Variants in WWP1 observed in about 807,000 individuals in gnomAD.
The protein encoded by WWP1 is NEDD4-like E3 ubiquitin-protein ligase WWP1.
Under a neutral mutation model 130.6 loss-of-function variants are expected in WWP1, and 49 were observed. The ratio of observed to expected loss-of-function variants is 0.38; its 90% CI spans 0.30 to 0.48. The LOEUF (loss-of-function observed/expected upper bound fraction) is 0.48. WWP1 is among the 20% of genes least tolerant of loss of function. WWP1 has a pLI of 0.99. For synonymous variants in WWP1, 332 were observed against 367.8 expected, an observed-to-expected ratio of 0.90 and a Z score of 1.11; for missense variants, 809 against 1,100.6, an observed-to-expected ratio of 0.74 and a Z score of 3.75.
At chr8:86,374,916 T>C (rs1426670151) in intron 3 of WWP1, among the ~76,000 whole-genome samples, 1 of 152,196 alleles carries the variant, frequency 6.6e-6, no homozygotes, top group African/African-American at 2.4e-5. Context: ...TCTCACTATG[T>C]TGCCCACGCT....
intron 1 of WWP1, among the ~76,000 whole-genome samples, chr8:86,355,837 G>A (rs1280955221): frequency 6.6e-6 from 1 of 152,160 alleles, no homozygotes; most frequent in Non-Finnish European, 1.5e-5. Flanking sequence ...GATTGATACA[G>A]CAAACTTCTC....
intron 5 of WWP1, among the ~76,000 whole-genome samples, chr8:86,393,593 T>G (rs961582396): frequency 1.3e-5 from 2 of 152,216 alleles, no homozygotes; most frequent in Non-Finnish European, 1.5e-5. Context: ...AGCTTAACTT[T>G]GTGAGTTGTT....
rs767334816 is a variant in WWP1, at chr8:86,425,364, A to C, written c.1157+46A>C. On this transcript the variant is annotated intron_variant, in intron 10 of 24. Coordinates refer to ENST00000517970, the MANE Select transcript of WWP1 (RefSeq NM_007013.4). ...CATTTGTAATTATATTTTATCACACATGTGGTTTTTAAATTTATTTAGTAC... is the reference window on the plus strand; with the variant it reads ...CATTTGTAATTATATTTTATCACACCTGTGGTTTTTAAATTTATTTAGTAC... 20 of 1,481,248 alleles carry C rather than the reference A, an allele frequency of 1.4e-5. No homozygotes were observed. In the African/African-American group the frequency reaches 2.4e-4, roughly 18 times the overall value. 91.8% of individuals were successfully genotyped at this position (1,481,248 alleles called of 1,614,324 possible).
intron 24 of WWP1, among the ~76,000 whole-genome samples, chr8:86,462,194 C>T (rs1192998067): frequency 6.6e-6 from 1 of 151,962 alleles, no homozygotes. Flanking sequence ...GGAAGTCCTT[C>T]GAAGGGAAAA....
chr8:86,442,835 G>T, intron 18 of WWP1, 57 bp downstream of exon 18: 2 of 1,380,482 alleles, frequency 1.4e-6, no homozygotes, highest in Non-Finnish European at 1.9e-6. Context: ...TATTAGAGAA[G>T]GCTTTTAAAA....
At chr8:86,435,596 A>C (rs1810246406) in intron 15 of WWP1, 37 bp from the exon 16 acceptor site, 2 of 1,611,668 alleles carry the variant, frequency 1.2e-6, no homozygotes, top group Admixed American at 3.3e-5. Flanking sequence ...CATATACTAT[A>C]ACTCAGATGA....
At chr8:86,424,589 C>T (rs185442566) in intron 9 of WWP1, among the ~76,000 whole-genome samples, 8,232 of 146,922 alleles carry the variant, frequency 0.056, 376 homozygotes, top group African/African-American at 0.12. Context: ...GATCACTCGC[C>T]GTTAGGAGCT....
chr8:86,384,884 T>G (rs1185663332), intron 5 of WWP1, among the ~76,000 whole-genome samples: 1 of 151,910 alleles, frequency 6.6e-6, no homozygotes, highest in Non-Finnish European at 1.5e-5. Context: ...TACAAAAAAT[T>G]AGCCAGGCAT....
chr8:86,444,322 G>A (rs565007135), intron 18 of WWP1, among the ~76,000 whole-genome samples: 1 of 152,322 alleles, frequency 6.6e-6, no homozygotes, highest in East Asian at 1.9e-4. Context: ...TTTAGGTTTG[G>A]CTTGTTAAGT....
At chr8:86,465,167 T>C (rs571276231) in intron 24 of WWP1, among the ~76,000 whole-genome samples, 1 of 152,294 alleles carries the variant, frequency 6.6e-6, no homozygotes, top group African/African-American at 2.4e-5. Context: ...AAAATTGGAT[T>C]GCTCACTTGG....
At chr8:86,438,943 A>G (rs1810444367) in intron 17 of WWP1, among the ~76,000 whole-genome samples, 1 of 152,154 alleles carries the variant, frequency 6.6e-6, no homozygotes, top group African/African-American at 2.4e-5. Flanking sequence ...AATGTACAAA[A>G]TGTAGGATCT....
intron 5 of WWP1, among the ~76,000 whole-genome samples, chr8:86,394,884 A>G (rs904020757): frequency 3.7e-5 from 5 of 136,430 alleles, no homozygotes; most frequent in African/African-American, 1.3e-4. Flanking sequence ...GATTGAACAA[A>G]TCTTTGTGGC....
intron 11 of WWP1, among the ~76,000 whole-genome samples, chr8:86,430,137 G>T (rs1809857222): frequency 6.6e-6 from 1 of 152,154 alleles, no homozygotes; most frequent in Non-Finnish European, 1.5e-5. Flanking sequence ...GGAAGCAGAG[G>T]CTGCTGTGAG....
At chr8:86,462,386 T>C (rs781272808) in intron 24 of WWP1, among the ~76,000 whole-genome samples, 7 of 152,150 alleles carry the variant, frequency 4.6e-5, no homozygotes, top group Non-Finnish European at 7.4e-5. Context: ...CCCGAAGAAA[T>C]TGTTTTTCAA....
chr8:86,448,106 AT>A, intron 18 of WWP1, 41 bp from the exon 19 acceptor site: 3 of 1,510,622 alleles, frequency 2.0e-6, no homozygotes, highest in Non-Finnish European at 2.6e-6. Flanking sequence ...AGAAATTGTT[AT>A]TTTGCAAATT....
chr8:86,403,637 T>C (rs1280527322), intron 8 of WWP1, among the ~76,000 whole-genome samples: 2 of 152,110 alleles, frequency 1.3e-5, no homozygotes, highest in Non-Finnish European at 2.9e-5. Context: ...AGGTTGGTGT[T>C]TGGGGAGATG....
intron 22 of WWP1, 51 bp downstream of exon 22, chr8:86,458,076 G>GCAGTTATGCACATGGC: frequency 6.9e-7 from 1 of 1,449,700 alleles, no homozygotes; most frequent in Non-Finnish European, 9.6e-7. Flanking sequence ...ATTTTCTAAT[G>GCAGTTATGCACATGGC]AAATGGTGGT....
intron 5 of WWP1, among the ~76,000 whole-genome samples, chr8:86,394,337 C>T (rs1382192624): frequency 6.6e-6 from 1 of 152,100 alleles, no homozygotes; most frequent in Non-Finnish European, 1.5e-5. Flanking sequence ...ACAAAAAAAT[C>T]AGCTTCTGCC....
At chr8:86,391,609 G>A (rs1392545723) in intron 5 of WWP1, among the ~76,000 whole-genome samples, 4 of 151,878 alleles carry the variant, frequency 2.6e-5, no homozygotes, top group Non-Finnish European at 5.9e-5. Flanking sequence ...TTGCAATAAG[G>A]AAGAGATTCC....
Sources: allele counts gnomAD v4.1 joint callset (sites outside exome capture counted in the v4.1 genomes callset), GRCh38; gene constraint gnomAD v4.1.1; transcripts MANE v1.5; gene names NCBI Gene and HGNC (gene_info 2026-07-23, HGNC 2026-07-21).